CNBD1: variants seen among roughly 807,000 people sequenced by gnomAD.
CNBD1 encodes cyclic nucleotide-binding domain-containing protein 1.
A neutral mutation model predicts 54.4 loss-of-function variants in CNBD1; 71 were observed. The observed-to-expected ratio is 1.30, with a 90% CI of 1.08 to 1.59. The LOEUF is 1.59. CNBD1 is among the 40% of genes most tolerant of loss of function. CNBD1 has a pLI of 0.00. For missense variants in CNBD1, 659 were observed against 518.0 expected, an observed-to-expected ratio of 1.27 and a Z score of -2.64; for synonymous variants, 182 against 170.7, an observed-to-expected ratio of 1.07 and a Z score of -0.51.
chr8:87,424,471 TTG>T (rs1808007160), intron 2 of CNBD1, among the ~76,000 whole-genome samples: 2 of 152,248 alleles, frequency 1.3e-5, no homozygotes, highest in South Asian at 4.1e-4. Flanking sequence ...TTCTGGTATG[TTG>T]TGTCTTTGTT....
At chr8:87,114,103 A>G (rs1473825165) in intron 4 of CNBD1, among the ~76,000 whole-genome samples, 1 of 152,200 alleles carries the variant, frequency 6.6e-6, no homozygotes, top group African/African-American at 2.4e-5. Context: ...GTGAGCTACT[A>G]TTAGAATTTC....
Position 87,330,261 on chromosome 8 carries a change from A to G in CNBD1, c.1043-21424A>G, listed in dbSNP as rs193047738. Among the ~76,000 whole-genome samples the G allele has an allele frequency of 7.1e-3, 946 of 132,494 alleles. 11 individuals carry two copies. The highest frequency in any genetic ancestry group is 0.025 in the African/African-American group (891 of 35,212). The allele number at this position is 132,494 out of a possible 152,430, so 86.9% of individuals were successfully genotyped here. A position where few individuals can be genotyped will look rare whatever the true frequency, so the allele number is the denominator to read the frequency against. ...TTTTTTTTTCAGTTAGCCTGGTTAG[A>G]GGCTTATCAGTTGTATTAATCTTTT... On this transcript the variant is annotated intron_variant, in intron 8 of 10. Coordinates refer to ENST00000518476, the MANE Select transcript of CNBD1 (RefSeq NM_173538.3).
rs141393435 is a variant in CNBD1 at position 87,162,248 on chromosome 8, G to A, written c.432-43745G>A. Reference sequence around the variant, plus strand: ...AATGCTTAGATATAATTAATACTCAGAATATGTTGAAACAGAAAATGATAA... The same window carrying A: ...AATGCTTAGATATAATTAATACTCAAAATATGTTGAAACAGAAAATGATAA... On this transcript the variant is annotated intron_variant, in intron 4 of 10. Transcript: ENST00000518476. 3.8e-4 allele frequency among the ~76,000 whole-genome samples: 58 copies of A among 152,104 alleles called. No homozygotes were observed. In the East Asian group the frequency reaches 9.3e-3, roughly 24 times the overall value.
At chr8:87,249,792 ATAACT>A (rs951173790) in intron 6 of CNBD1, among the ~76,000 whole-genome samples, 2 of 152,178 alleles carry the variant, frequency 1.3e-5, no homozygotes, top group Non-Finnish European at 2.9e-5. Context: ...AGTATGCAAG[ATAACT>A]TAATCATCCA....
chr8:87,086,170 C>T (rs1811091905), intron 4 of CNBD1, among the ~76,000 whole-genome samples: 1 of 152,120 alleles, frequency 6.6e-6, no homozygotes, highest in Non-Finnish European at 1.5e-5. Context: ...TTTATAATCT[C>T]ATTCTAGCTC....
At chr8:87,350,322 G>C (rs182059987) in intron 8 of CNBD1, among the ~76,000 whole-genome samples, 36 of 151,988 alleles carry the variant, frequency 2.4e-4, no homozygotes, top group Admixed American at 1.8e-3. Flanking sequence ...GACAACAGTA[G>C]AATAACCTTT....
intron 2 of CNBD1, among the ~76,000 whole-genome samples, chr8:87,416,222 T>C (rs778899128): frequency 8.6e-5 from 13 of 151,944 alleles, no homozygotes; most frequent in Non-Finnish European, 4.4e-5. Context: ...TCTTGCAATA[T>C]ATAATAGAAT....
chr8:87,162,313 T>A (rs1466795543), intron 4 of CNBD1, among the ~76,000 whole-genome samples: 2 of 152,124 alleles, frequency 1.3e-5, no homozygotes, highest in African/African-American at 4.8e-5. Flanking sequence ...CACCATTTAA[T>A]TATTCAATTT....
At chr8:87,119,144 A>G (rs1217682179) in intron 4 of CNBD1, among the ~76,000 whole-genome samples, 1 of 152,064 alleles carries the variant, frequency 6.6e-6, no homozygotes, top group South Asian at 2.1e-4. Context: ...TGACAGCGGT[A>G]TTTTGATAGA....
intron 4 of CNBD1, among the ~76,000 whole-genome samples, chr8:87,152,211 A>T (rs112369068): frequency 2.0e-5 from 3 of 152,100 alleles, no homozygotes; most frequent in African/African-American, 7.2e-5. Context: ...TGACTATGGT[A>T]TTGATGGAGG....
At chr8:87,087,234 C>T (rs925857945) in intron 4 of CNBD1, among the ~76,000 whole-genome samples, 21 of 138,764 alleles carry the variant, frequency 1.5e-4, no homozygotes, top group Admixed American at 3.6e-4. Context: ...CACACACACA[C>T]ATATATATAT....
intron 2 of CNBD1, among the ~76,000 whole-genome samples, chr8:86,895,155 T>A (rs1052252081): frequency 1.3e-5 from 2 of 152,164 alleles, no homozygotes; most frequent in Non-Finnish European, 2.9e-5. Flanking sequence ...GGGGATTAAG[T>A]TTCAAAAGCA....
intron 6 of CNBD1, among the ~76,000 whole-genome samples, chr8:87,281,551 T>G (rs1298215246): frequency 0.23 from 314 of 1,342 alleles, 6 homozygotes; most frequent in African/African-American, 0.38. Flanking sequence ...GATATATATA[T>G]ATATATATAT....
Position 87,118,910 on chromosome 8 carries a change from A to C in CNBD1, c.432-87083A>C, listed in dbSNP as rs1811835383. 4.6e-5 allele frequency among the ~76,000 whole-genome samples: 7 copies of C among 152,222 alleles called. No homozygotes were observed. In the South Asian group the frequency reaches 1.4e-3, roughly 31 times the overall value. ...AATTCTTTGAAACTTTATTCAGAGA[A>C]GTAGGTAAAAGCCTCAGGCATAGGC... On this transcript the variant is annotated intron_variant, in intron 4 of 10. Coordinates refer to ENST00000518476, the MANE Select transcript of CNBD1 (RefSeq NM_173538.3).
At chr8:87,175,987 TGCTGTGATAGG>T (rs1280957628) in intron 4 of CNBD1, among the ~76,000 whole-genome samples, 1 of 152,188 alleles carries the variant, frequency 6.6e-6, no homozygotes, top group Non-Finnish European at 1.5e-5. Context: ...TTTTGTCTTC[TGCTGTGATAGG>T]GCAGCACTGA....
chr8:86,970,523 G>A (rs543079131), intron 4 of CNBD1, among the ~76,000 whole-genome samples: 1 of 151,754 alleles, frequency 6.6e-6, no homozygotes, highest in Non-Finnish European at 1.5e-5. Flanking sequence ...ATTGTATAGT[G>A]CTGAAGTTTC....
intron 4 of CNBD1, among the ~76,000 whole-genome samples, chr8:87,026,187 T>A (rs1466704560): frequency 6.6e-6 from 1 of 152,200 alleles, no homozygotes; most frequent in African/African-American, 2.4e-5. Flanking sequence ...CTACCTATAC[T>A]GTATTAATGG....
In CNBD1 at chr8:86,898,553, A is replaced by G. The variant is rs899820531; in HGVS notation, c.159-6528A>G. Among the ~76,000 whole-genome samples the G allele has an allele frequency of 1.4e-4, 21 of 152,286 alleles. 1 individual carries two copies. The Middle Eastern group carries it at 0.02, about 148-fold the overall frequency. ...TCAACTGATCTTTAACAAAGGAGCA[A>G]GCCAATTGAATGGAGAAAGTTTGGA... On this transcript the variant is annotated intron_variant, in intron 2 of 10. Coordinates refer to ENST00000518476, the MANE Select transcript of CNBD1 (RefSeq NM_173538.3).
rs138619285 is a variant in CNBD1 at position 87,331,529 on chromosome 8, G to A, written c.1043-20156G>A. 8.9e-3 allele frequency among the ~76,000 whole-genome samples: 1,359 copies of A among 152,232 alleles called. 17 individuals carry two copies. Among genetic ancestry groups the A allele is most frequent in the African/African-American group, 0.03 (1,259 of 41,530 alleles). ...ATAGTGCTGCAATAAACATATGTGT[G>A]CATGTATCTTTATAATAGAATGATT... On this transcript the variant is annotated intron_variant, in intron 8 of 10. Coordinates refer to ENST00000518476, the MANE Select transcript of CNBD1 (RefSeq NM_173538.3).
Sources: gnomAD v4.1 joint callset for allele counts (sites outside exome capture counted in the v4.1 genomes callset) on GRCh38, gnomAD v4.1.1 for gene constraint, MANE v1.5 for transcripts, NCBI Gene and HGNC (gene_info 2026-07-23, HGNC 2026-07-21) for gene names.